Variants in FKBP5 observed in about 807,000 individuals in gnomAD.
The protein encoded by FKBP5 is FKBP prolyl isomerase 5, also known as peptidyl-prolyl cis-trans isomerase FKBP5.
FKBP5 carries 23 observed loss-of-function variants against 50.5 expected under a neutral mutation model. The ratio of observed to expected loss-of-function variants is 0.46; its 90% CI spans 0.33 to 0.65. The LOEUF (loss-of-function observed/expected upper bound fraction) is 0.65. Ranked by LOEUF, FKBP5 falls within the 30% of genes least tolerant of loss-of-function variation. FKBP5 has a pLI of 0.02. For missense variants in FKBP5, 411 were observed against 553.1 expected (o/e 0.74, Z 2.58); for synonymous variants, 176 against 190.6 (o/e 0.92, Z 0.63).
intron 1 of FKBP5, among the ~76,000 whole-genome samples, chr6:35,683,344 G>T (rs1025152990): frequency 6.6e-6 from 1 of 151,938 alleles, no homozygotes; most frequent in Admixed American, 6.6e-5. Context: ...TAGAAATGGG[G>T]TCTTACTATG....
At chr6:35,589,344 G>T (rs910692556) in intron 7 of FKBP5, among the ~76,000 whole-genome samples, 1 of 151,592 alleles carries the variant, frequency 6.6e-6, no homozygotes, top group East Asian at 1.9e-4. Flanking sequence ...GGCCAGGCTG[G>T]TCTCAAACTC....
At chr6:35,716,020 G>A (rs535582103) in intron 2 of FKBP5, among the ~76,000 whole-genome samples, 3 of 152,276 alleles carry the variant, frequency 2.0e-5, no homozygotes, top group East Asian at 3.9e-4. Context: ...GGATGAGGTA[G>A]GGGAGGGCAG....
intron 1 of FKBP5, among the ~76,000 whole-genome samples, chr6:35,681,887 C>T (rs908719650): frequency 2.8e-4 from 43 of 151,900 alleles, no homozygotes; most frequent in African/African-American, 9.9e-4. Context: ...ATTCTGATCA[C>T]GCCACTGCAC....
chr6:35,722,419 G>C (rs1431945527), intron 1 of FKBP5, among the ~76,000 whole-genome samples: 2 of 152,230 alleles, frequency 1.3e-5, no homozygotes, highest in Non-Finnish European at 2.9e-5. Context: ...GGGGATCGGA[G>C]GAGAGTGCTT....
chr6:35,716,806 G>A (rs999472457), intron 2 of FKBP5, among the ~76,000 whole-genome samples: 7 of 152,192 alleles, frequency 4.6e-5, no homozygotes, highest in Non-Finnish European at 8.8e-5. Context: ...CTGTTGAAGA[G>A]GGCTAGACTG....
At chr6:35,625,700 C>A (rs1269494983) in intron 3 of FKBP5, among the ~76,000 whole-genome samples, 1 of 149,078 alleles carries the variant, frequency 6.7e-6, no homozygotes, top group Middle Eastern at 3.5e-3. Flanking sequence ...TGCGCCACTG[C>A]ACTCCAGCCT....
At chr6:35,711,110 G>T (rs148032293) in intron 2 of FKBP5, among the ~76,000 whole-genome samples, 96 of 152,062 alleles carry the variant, frequency 6.3e-4, no homozygotes, top group African/African-American at 2.2e-3. Context: ...GCTTGAGTCC[G>T]CGAAGTCAAG....
chr6:35,719,435 A>C (rs937644869), intron 2 of FKBP5, among the ~76,000 whole-genome samples: 1 of 152,206 alleles, frequency 6.6e-6, no homozygotes, highest in Non-Finnish European at 1.5e-5. Flanking sequence ...CAGGCTGTAC[A>C]CTTAAGATCT....
At chr6:35,685,982 C>CAAAA (rs60786619) in intron 1 of FKBP5, among the ~76,000 whole-genome samples, 10 of 46,220 alleles carry the variant, frequency 2.2e-4, no homozygotes, top group African/African-American at 5.8e-4. Context: ...AACGCCATCT[C>CAAAA]AAAAAAAAAA....
At chr6:35,657,379 A>G (rs1260517443) in intron 1 of FKBP5, among the ~76,000 whole-genome samples, 1 of 152,084 alleles carries the variant, frequency 6.6e-6, no homozygotes, top group Non-Finnish European at 1.5e-5. Flanking sequence ...CCGGGAGAGC[A>G]CTCATCTCCT....
chr6:35,590,414 G>A (rs1169989871), intron 7 of FKBP5, among the ~76,000 whole-genome samples: 3 of 152,146 alleles, frequency 2.0e-5, no homozygotes, highest in African/African-American at 2.4e-5. Context: ...GAAATGCCAG[G>A]GGCACGTGGC....
At chr6:35,586,639 T>G in intron 8 of FKBP5, 5 of 1,004,942 alleles carry the variant, frequency 5.0e-6, no homozygotes, top group Non-Finnish European at 5.9e-6. Flanking sequence ...AAAAATGATG[T>G]GAAACTTACC....
At chr6:35,723,291 C>T (rs1766647355) in intron 1 of FKBP5, among the ~76,000 whole-genome samples, 1 of 151,858 alleles carries the variant, frequency 6.6e-6, no homozygotes, top group African/African-American at 2.4e-5. Context: ...AATAAATGCC[C>T]AGGCACAGGT....
At chr6:35,642,258 T>A (rs1165102896) in intron 2 of FKBP5, among the ~76,000 whole-genome samples, 1 of 152,102 alleles carries the variant, frequency 6.6e-6, no homozygotes, top group Non-Finnish European at 1.5e-5. Context: ...CAAGTTAATT[T>A]ACCTAGCCCA....
intron 2 of FKBP5, among the ~76,000 whole-genome samples, chr6:35,702,475 C>G (rs1292921810): frequency 6.8e-6 from 1 of 146,432 alleles, no homozygotes; most frequent in African/African-American, 2.5e-5. Context: ...TTTTTTGAGA[C>G]GGAGTCTTGC....
At chr6:35,642,130 T>C (rs564735658) in intron 2 of FKBP5, among the ~76,000 whole-genome samples, 1 of 152,314 alleles carries the variant, frequency 6.6e-6, no homozygotes, top group Non-Finnish European at 1.5e-5. Context: ...AAAGGATACA[T>C]TAAAATAGTA....
At chr6:35,727,526 G>A (rs1223070216) in intron 1 of FKBP5, among the ~76,000 whole-genome samples, 1 of 152,192 alleles carries the variant, frequency 6.6e-6, no homozygotes, top group African/African-American at 2.4e-5. Context: ...CCGTCCAAAA[G>A]GGCTGGGCTT....
intron 5 of FKBP5, among the ~76,000 whole-genome samples, chr6:35,613,213 T>TTTTA (rs1432925840): frequency 6.6e-6 from 1 of 152,264 alleles, no homozygotes; most frequent in East Asian, 1.9e-4. Context: ...GTTTTATTTA[T>TTTTA]TTTATTTATT....
chr6:35,708,629 T>C (rs1208462262), intron 2 of FKBP5, among the ~76,000 whole-genome samples: 1 of 152,150 alleles, frequency 6.6e-6, no homozygotes, highest in Non-Finnish European at 1.5e-5. Context: ...AGATTGTTAG[T>C]TGTGCCCCAG....
Sources: gnomAD v4.1 joint callset for allele counts (sites outside exome capture counted in the v4.1 genomes callset) on GRCh38, gnomAD v4.1.1 for gene constraint, MANE v1.5 for transcripts, NCBI Gene and HGNC (gene_info 2026-07-23, HGNC 2026-07-21) for gene names.